Variants in TRDN observed in about 807,000 individuals in gnomAD.
The protein encoded by TRDN is triadin in skeletal muscle.
In TRDN, 161 loss-of-function variants were observed where a neutral mutation model predicts 149.7. The ratio of observed to expected loss-of-function variants is 1.08; its 90% CI spans 0.95 to 1.23. The LOEUF is 1.23. TRDN is among the 50% of genes most tolerant of loss of function. TRDN has a pLI of 0.00. For missense variants in TRDN, 896 were observed against 823.5 expected (o/e 1.09, Z -1.08); for synonymous variants, 294 against 250.5 (o/e 1.17, Z -1.64).
At chr6:123,514,040 T>TGAG (rs1247504688) in intron 6 of TRDN, among the ~76,000 whole-genome samples, 1 of 152,152 alleles carries the variant, frequency 6.6e-6, no homozygotes, top group East Asian at 1.9e-4. Context: ...GATGGATTTT[T>TGAG]GAGGAATTAA....
At position 123,541,746 on chromosome 6, in the gene TRDN, T is replaced by C. The variant is rs535770173; in HGVS notation, c.424+5594A>G. Among the ~76,000 whole-genome samples the C allele has an allele frequency of 1.2e-4, 19 of 152,292 alleles. No individual in the cohort carries two copies. In the East Asian group the frequency reaches 2.1e-3, roughly 17 times the overall value. ...TACCTAGTAACCAATATTCTGAGGC[T>C]ATGAATTTTAACAAGTTTAGTCATC... On this transcript the variant is annotated intron_variant, in intron 4 of 40. Coordinates refer to ENST00000334268, the MANE Select transcript of TRDN (RefSeq NM_006073.4).
chr6:123,446,879 GA>G (rs35263963), intron 10 of TRDN, among the ~76,000 whole-genome samples: 22,825 of 151,694 alleles, frequency 0.15, 2,444 homozygotes, highest in African/African-American at 0.31. Context: ...AAGACTTAGG[GA>G]AAAAAATAAT....
intron 20 of TRDN, among the ~76,000 whole-genome samples, chr6:123,358,120 T>A (rs1372671455): frequency 6.6e-6 from 1 of 152,186 alleles, no homozygotes; most frequent in African/African-American, 2.4e-5. Context: ...CCACAAGATA[T>A]CTGGAATATC....
chr6:123,618,518 T>C (rs75386309), intron 1 of TRDN, among the ~76,000 whole-genome samples: 8,107 of 152,192 alleles, frequency 0.053, 738 homozygotes, highest in African/African-American at 0.18. Context: ...CATCTGCAAA[T>C]TCTCTTTTCC....
At chr6:123,275,978 C>T (rs1029216698) in intron 26 of TRDN, among the ~76,000 whole-genome samples, 1 of 152,070 alleles carries the variant, frequency 6.6e-6, no homozygotes, top group East Asian at 1.9e-4. Context: ...GGAGATAATG[C>T]CTTGTTACTG....
At chr6:123,463,352 A>T (rs1776582822) in intron 10 of TRDN, among the ~76,000 whole-genome samples, 2 of 142,582 alleles carry the variant, frequency 1.4e-5, no homozygotes, top group Non-Finnish European at 3.1e-5. Context: ...AAAAAAAAAA[A>T]TAAATAATAA....
intron 8 of TRDN, among the ~76,000 whole-genome samples, 169 bp from the exon 9 acceptor site, chr6:123,497,421 G>C (rs1444532033): frequency 1.3e-5 from 2 of 152,046 alleles, no homozygotes; most frequent in Non-Finnish European, 2.9e-5. Context: ...CAGAAGGAAA[G>C]AAAGACGACA....
intron 4 of TRDN, among the ~76,000 whole-genome samples, chr6:123,531,341 A>G (rs1265466876): frequency 6.6e-6 from 1 of 152,024 alleles, no homozygotes; most frequent in Non-Finnish European, 1.5e-5. Context: ...AGGTTTACTT[A>G]TTTATTTATC....
intron 4 of TRDN, among the ~76,000 whole-genome samples, chr6:123,537,695 A>T (rs1206157664): frequency 1.3e-5 from 2 of 152,206 alleles, no homozygotes; most frequent in Non-Finnish European, 2.9e-5. Flanking sequence ...TCCATATGTA[A>T]CTGGGAAGAA....
chr6:123,508,986 C>T (rs908817901), intron 7 of TRDN, among the ~76,000 whole-genome samples: 14 of 152,072 alleles, frequency 9.2e-5, no homozygotes, highest in African/African-American at 3.4e-4. Context: ...AATACATACA[C>T]ATATAAAATA....
intron 1 of TRDN, among the ~76,000 whole-genome samples, chr6:123,611,456 A>T (rs1443410011): frequency 1.3e-5 from 2 of 152,192 alleles, no homozygotes; most frequent in African/African-American, 2.4e-5. Context: ...CATTTTATGT[A>T]TGTATGATTC....
intron 1 of TRDN, among the ~76,000 whole-genome samples, chr6:123,584,856 A>C (rs891131539): frequency 2.0e-5 from 3 of 152,202 alleles, no homozygotes; most frequent in Non-Finnish European, 4.4e-5. Context: ...CACGGGGTGG[A>C]TAGGCAAAAC....
intron 23 of TRDN, among the ~76,000 whole-genome samples, chr6:123,317,404 T>C (rs1022804994): frequency 1.3e-5 from 2 of 151,984 alleles, no homozygotes; most frequent in East Asian, 3.9e-4. Context: ...TTATTTGGGT[T>C]TTAGTCTAGC....
intron 26 of TRDN, among the ~76,000 whole-genome samples, chr6:123,276,170 C>G (rs1225334614): frequency 6.6e-6 from 1 of 151,978 alleles, no homozygotes; most frequent in African/African-American, 2.4e-5. Flanking sequence ...ATTTATTACA[C>G]AGGTAACACA....
At chr6:123,224,002 A>G in intron 39 of TRDN, 91 bp downstream of exon 39, 3 of 1,221,926 alleles carry the variant, frequency 2.5e-6, no homozygotes, top group East Asian at 2.4e-5. Context: ...AGACTAGATC[A>G]AGAATAGCTA....
intron 23 of TRDN, among the ~76,000 whole-genome samples, chr6:123,328,401 T>C (rs1779540346): frequency 6.6e-6 from 1 of 152,160 alleles, no homozygotes; most frequent in Admixed American, 6.5e-5. Flanking sequence ...TGCAAACCTA[T>C]CTTATTATTA....
chr6:123,244,641 G>A (rs1319875771), intron 38 of TRDN, among the ~76,000 whole-genome samples: 4 of 152,100 alleles, frequency 2.6e-5, no homozygotes, highest in African/African-American at 4.8e-5. Flanking sequence ...AAAGTGACGG[G>A]GAGAATGGAA....
intron 5 of TRDN, 134 bp downstream of exon 5, chr6:123,530,372 A>C (rs942285096): frequency 4.6e-6 from 1 of 216,704 alleles, no homozygotes. Flanking sequence ...TATAACTGAA[A>C]TTAACTGAGG....
chr6:123,377,028 G>C (rs1363735039), intron 18 of TRDN, among the ~76,000 whole-genome samples: 1 of 152,110 alleles, frequency 6.6e-6, no homozygotes, highest in East Asian at 1.9e-4. Flanking sequence ...AATTGGGCAG[G>C]TTAAATGCTA....
Sources: allele counts gnomAD v4.1 joint callset (sites outside exome capture counted in the v4.1 genomes callset), GRCh38; gene constraint gnomAD v4.1.1; transcripts MANE v1.5; gene names NCBI Gene and HGNC (gene_info 2026-07-23, HGNC 2026-07-21).